STOX1: variants seen among roughly 807,000 people sequenced by gnomAD.
The protein encoded by STOX1 is storkhead box 1.
A neutral mutation model predicts 74.8 loss-of-function variants in STOX1; 57 were observed. The ratio of observed to expected loss-of-function variants is 0.76; its 90% CI spans 0.62 to 0.95. STOX1 has a LOEUF of 0.95. STOX1 is among the 40% of genes least tolerant of loss of function. The pLI is 0.00. For synonymous variants in STOX1, 375 were observed against 401.3 expected (o/e 0.93, Z 0.78); for missense variants, 1,010 against 1,117.0 (o/e 0.90, Z 1.37).
Position 68,885,176 on chromosome 10 carries a change from C to T in STOX1, c.1380C>T (p.Pro460=), listed in dbSNP as rs1052561412. The change falls in exon 3 of 4, where the codon CCC becomes CCT. Residue 460 remains proline, a synonymous_variant. Coordinates refer to ENST00000298596, the MANE Select transcript of STOX1 (RefSeq NM_152709.5). The part of the protein sequence containing the change: ...EKHPKLPATQ[P]IPRIKSPNEM... The stretch of plus-strand genomic sequence containing the variant: ...ACCCCAAGCTCCCTGCTACACAGCC[C>T]ATCCCCAGAATTAAAAGCCCAAATG... 8 of 1,614,034 alleles carry T rather than the reference C, an allele frequency of 5.0e-6. No homozygotes were observed. The highest frequency in any genetic ancestry group is 6.8e-6 in the Non-Finnish European group (8 of 1,180,038).
chr10:68,858,580 CAG>C (rs1840184171), intron 1 of STOX1, among the ~76,000 whole-genome samples: 1 of 152,090 alleles, frequency 6.6e-6, no homozygotes, highest in African/African-American at 2.4e-5. Context: ...TCAGAGGCCA[CAG>C]AGTCTGTAAT....
intron 1 of STOX1, among the ~76,000 whole-genome samples, chr10:68,858,668 C>CG (rs2133554098): frequency 1.3e-5 from 2 of 152,084 alleles, no homozygotes; most frequent in Non-Finnish European, 2.9e-5. Context: ...GATTGGGACA[C>CG]GAGCGGTTCA....
At chr10:68,892,012 G>C (rs555582224) in intron 3 of STOX1, among the ~76,000 whole-genome samples, 2 of 151,810 alleles carry the variant, frequency 1.3e-5, no homozygotes, top group East Asian at 3.9e-4. Flanking sequence ...GTAGAGACAG[G>C]GTTTCACCAT....
chr10:68,877,244 G>GATTT (rs1840702858), intron 1 of STOX1, among the ~76,000 whole-genome samples: 1 of 152,142 alleles, frequency 6.6e-6, no homozygotes, highest in South Asian at 2.1e-4. Context: ...GTTGATAGTA[G>GATTT]ATTTGTTCAC....
Position 68,886,920 on chromosome 10 carries a change from AAAAAAAAAAG to A in STOX1, c.2822+317_2822+326del, listed in dbSNP as rs1437525658. Among the ~76,000 whole-genome samples the A allele has an allele frequency of 8.0e-5, 12 of 149,978 alleles. No homozygotes were observed. The East Asian group carries it at 1.2e-3, about 15-fold the overall frequency. ...GGTGATGGAGCAAGACTCTGCCTCA[AAAAAAAAAAG>A]AAAAAAAAAGAAAATGGCTGATTAG... is the stretch of plus-strand genomic sequence containing the variant. On this transcript the variant is annotated intron_variant, in intron 3 of 3. Coordinates refer to ENST00000298596, the MANE Select transcript of STOX1 (RefSeq NM_152709.5).
rs1426889360 is a variant in STOX1, at chr10:68,851,314, AAAG to A, written c.310+23384_310+23386del. Among the ~76,000 whole-genome samples, 12 of 151,608 alleles carry A rather than the reference AAAG, an allele frequency of 7.9e-5. 1 individual carries two copies. The East Asian group carries it at 1.5e-3, about 20-fold the overall frequency. On this transcript the variant is annotated intron_variant, in intron 1 of 3. Coordinates refer to ENST00000298596, the MANE Select transcript of STOX1 (RefSeq NM_152709.5). ...TGAGACTTTCTAAAAAAAAAAAAAA[AAAG>A]AAAAAAGAGTGGAGAAAGGGAGATT... is the stretch of plus-strand genomic sequence containing the variant.
chr10:68,868,880 G>A (rs1840470050), intron 1 of STOX1, among the ~76,000 whole-genome samples: 1 of 152,186 alleles, frequency 6.6e-6, no homozygotes, highest in Admixed American at 6.5e-5. Context: ...GGCATTTTCA[G>A]ATTGTTTTCC....
In STOX1 at chr10:68,885,081, C is replaced by T. The variant is rs1198618948; in HGVS notation, c.1285C>T (p.Arg429Ter). ...SAKPQGQGHS[R>*]RDRHKARNQG... Reference sequence around the variant, plus strand: ...AAAACCTCAAGGGCAGGGCCATTCTCGAAGGGATAGACACAAAGCCAGGAA... The same window carrying T: ...AAAACCTCAAGGGCAGGGCCATTCTTGAAGGGATAGACACAAAGCCAGGAA... Residue 429 changes from arginine to a stop codon, truncating the protein, a stop_gained, in exon 3 of 4, where the codon CGA becomes TGA. Transcript: ENST00000298596. LOFTEE classifies it high-confidence loss of function. 6.8e-6 allele frequency: 11 copies of T among 1,613,630 alleles called. No individual in the cohort carries two copies. Among genetic ancestry groups the T allele is most frequent in the South Asian group, 1.1e-5 (1 of 91,036 alleles).
At chr10:68,833,635 A>G (rs1181845196) in intron 1 of STOX1, among the ~76,000 whole-genome samples, 1 of 152,068 alleles carries the variant, frequency 6.6e-6, no homozygotes. Context: ...CTTTCCATAC[A>G]ATGTCGGGAA....
intron 1 of STOX1, among the ~76,000 whole-genome samples, chr10:68,864,249 T>C (rs1162744877): frequency 6.6e-6 from 1 of 152,210 alleles, no homozygotes; most frequent in Admixed American, 6.5e-5. Flanking sequence ...AGCTGAAGTA[T>C]AGGCCGTCCG....
intron 1 of STOX1, among the ~76,000 whole-genome samples, chr10:68,874,829 AGC>A (rs1190341507): frequency 1.3e-5 from 2 of 152,208 alleles, no homozygotes; most frequent in African/African-American, 4.8e-5. Context: ...GTGCCAGGCG[AGC>A]AGACCCCAGT....
intron 1 of STOX1, among the ~76,000 whole-genome samples, chr10:68,867,105 C>T (rs971125073): frequency 3.9e-5 from 6 of 152,050 alleles, no homozygotes; most frequent in African/African-American, 9.6e-5. Context: ...CCACCACGCC[C>T]AGCTATTTTT....
chr10:68,846,476 TG>T (rs1839861546), intron 1 of STOX1, among the ~76,000 whole-genome samples: 2 of 152,188 alleles, frequency 1.3e-5, no homozygotes, highest in Admixed American at 1.3e-4. Flanking sequence ...TTTTTGCATA[TG>T]GATGTCCAAT....
chr10:68,891,794 T>C (rs1263974319), intron 3 of STOX1, among the ~76,000 whole-genome samples: 1 of 149,656 alleles, frequency 6.7e-6, no homozygotes, highest in Non-Finnish European at 1.5e-5. Context: ...AGAGTGAGAC[T>C]CTGTTTCAAA....
intron 1 of STOX1, among the ~76,000 whole-genome samples, chr10:68,837,171 G>A (rs1043874791): frequency 2.0e-5 from 3 of 152,226 alleles, no homozygotes; most frequent in African/African-American, 7.2e-5. Context: ...GTTATAGGGA[G>A]CAATAAAAGG....
rs774083761 is a variant in STOX1, at chr10:68,885,761, T to C, written c.1965T>C (p.Ala655=). ...CCTTTTCAGACCGAACACCCTCTGC[T>C]TGTAGATTAGTGGATAACACAATAC... ...GASFSDRTPS[A]CRLVDNTIHQ... The change falls in exon 3 of 4, where the codon GCT becomes GCC. Residue 655 remains alanine, a synonymous_variant. Transcript: ENST00000298596. 5 of 1,614,160 alleles carry C rather than the reference T, an allele frequency of 3.1e-6. No homozygotes were observed. The highest frequency in any genetic ancestry group is 1.1e-5 in the South Asian group (1 of 91,082).
intron 1 of STOX1, among the ~76,000 whole-genome samples, chr10:68,848,703 C>G (rs1589221253): frequency 6.6e-6 from 1 of 152,122 alleles, no homozygotes; most frequent in Non-Finnish European, 1.5e-5. Context: ...CTCACTCTGT[C>G]TCCCAGGCTG....
intron 1 of STOX1, among the ~76,000 whole-genome samples, chr10:68,877,670 G>T (rs1840711602): frequency 6.6e-6 from 1 of 152,170 alleles, no homozygotes; most frequent in Non-Finnish European, 1.5e-5. Flanking sequence ...CACAGAAATG[G>T]GCAGCCACCT....
At chr10:68,890,186 G>C (rs1343908994) in intron 3 of STOX1, among the ~76,000 whole-genome samples, 1 of 150,782 alleles carries the variant, frequency 6.6e-6, no homozygotes, top group African/African-American at 2.4e-5. Flanking sequence ...TTTTTTAAGA[G>C]ACAAGGTCTC....
Sources: allele counts gnomAD v4.1 joint callset (sites outside exome capture counted in the v4.1 genomes callset), GRCh38; gene constraint gnomAD v4.1.1; transcripts MANE v1.5; gene names NCBI Gene and HGNC (gene_info 2026-07-23, HGNC 2026-07-21).